RALGPS1: variants seen among roughly 807,000 people sequenced by gnomAD.
RALGPS1 encodes ras-specific guanine nucleotide-releasing factor RalGPS1.
Under a neutral mutation model 78.8 loss-of-function variants are expected in RALGPS1, and 19 were observed. The observed-to-expected ratio is 0.24, with a 90% CI of 0.17 to 0.35. The LOEUF (loss-of-function observed/expected upper bound fraction) is 0.35, where lower values mean the gene tolerates loss of function less well. Ranked by LOEUF, RALGPS1 falls within the 10% of genes least tolerant of loss-of-function variation. The pLI, the probability that RALGPS1 is intolerant of heterozygous loss-of-function variation, is 1.00. For missense variants in RALGPS1, 454 were observed against 688.3 expected (o/e 0.66, Z 3.81); for synonymous variants, 228 against 256.3 (o/e 0.89, Z 1.06).
At chr9:127,036,102 A>G (rs777469985) in intron 5 of RALGPS1, among the ~76,000 whole-genome samples, 27 of 152,208 alleles carry the variant, frequency 1.8e-4, no homozygotes, top group Non-Finnish European at 3.7e-4. Flanking sequence ...TTATTCTGTG[A>G]ACAATTGTGT....
intron 1 of RALGPS1, among the ~76,000 whole-genome samples, chr9:126,949,671 T>C (rs10987526): frequency 0.083 from 12,462 of 150,854 alleles, 1,702 homozygotes; most frequent in African/African-American, 0.28. Flanking sequence ...TTTGTTTTTT[T>C]CGTGTAAATT....
chr9:127,030,757 G>A (rs1296113684), intron 4 of RALGPS1, among the ~76,000 whole-genome samples: 1 of 152,106 alleles, frequency 6.6e-6, no homozygotes, highest in Non-Finnish European at 1.5e-5. Context: ...TCAGAGTAAG[G>A]TCTCTGAGAA....
At position 127,020,784 on chromosome 9, in the gene RALGPS1, G is replaced by T. The variant is rs561821850; in HGVS notation, c.217-13647G>T. ...ATGTGCTCTGTGGCTGAGGGTCCAG[G>T]CTCCAGAGGCAACAGGCCTAGGTTT... On this transcript the variant is annotated intron_variant, in intron 4 of 18. Transcript: ENST00000259351. Among the ~76,000 whole-genome samples the T allele has an allele frequency of 7.4e-4, 113 of 152,316 alleles. 1 individual carries two copies. The highest frequency in any genetic ancestry group is 2.6e-3 in the African/African-American group (109 of 41,562).
chr9:127,033,996 A>T (rs142619410), intron 4 of RALGPS1, among the ~76,000 whole-genome samples: 63 of 152,354 alleles, frequency 4.1e-4, no homozygotes, highest in South Asian at 1.0e-3. Flanking sequence ...ACTTTGCCTC[A>T]CACCAGGAAT....
intron 4 of RALGPS1, among the ~76,000 whole-genome samples, chr9:127,001,951 A>G (rs2043348002): frequency 6.6e-6 from 1 of 152,238 alleles, no homozygotes; most frequent in Non-Finnish European, 1.5e-5. Flanking sequence ...GCATTAAATG[A>G]TAATCTGTTA....
rs1554816084 is a variant in RALGPS1 at position 127,069,320 on chromosome 9, C to T, written c.574C>T (p.Arg192Ter). Reference sequence around the variant, plus strand: ...TTACAAGCGGACACGGGAATATATCCGAAGCCTGAAGATGGTTCCAAGTAT... The same window carrying T: ...TTACAAGCGGACACGGGAATATATCTGAAGCCTGAAGATGGTTCCAAGTAT... ...DNYKRTREYI[R>*]SLKMVPSIPY... Residue 192 changes from arginine to a stop codon, truncating the protein, a stop_gained, in exon 8 of 19, where the codon CGA (arginine) becomes TGA (stop). Transcript: ENST00000259351. LOFTEE classifies it high-confidence loss of function. 1 of 1,613,872 alleles carries T rather than the reference C, an allele frequency of 6.2e-7. No homozygotes were observed. Among genetic ancestry groups the T allele is most frequent in the African/African-American group, 1.3e-5 (1 of 74,908 alleles).
intron 13 of RALGPS1, 82 bp downstream of exon 13, chr9:127,196,713 G>T (rs2061367492): frequency 1.4e-6 from 2 of 1,445,766 alleles, no homozygotes; most frequent in Non-Finnish European, 1.9e-6. Context: ...GTGTCACTGT[G>T]CCATGCCCAG....
intron 8 of RALGPS1, among the ~76,000 whole-genome samples, chr9:127,147,222 G>A (rs1291295569): frequency 6.6e-6 from 1 of 152,054 alleles, no homozygotes; most frequent in Non-Finnish European, 1.5e-5. Context: ...TTTTAATGGG[G>A]TTATTTGATT....
At chr9:126,940,516 T>A (rs942219497) in intron 1 of RALGPS1, among the ~76,000 whole-genome samples, 1 of 149,928 alleles carries the variant, frequency 6.7e-6, no homozygotes, top group African/African-American at 2.5e-5. Context: ...CTTGGCTCAC[T>A]GCAAGCTCTG....
At chr9:127,144,439 T>TA (rs1199158301) in intron 8 of RALGPS1, among the ~76,000 whole-genome samples, 2 of 152,208 alleles carry the variant, frequency 1.3e-5, no homozygotes, top group Non-Finnish European at 1.5e-5. Flanking sequence ...ACATCAAACT[T>TA]ACGATTTCAC....
chr9:127,019,355 T>C (rs1461820444), intron 4 of RALGPS1, among the ~76,000 whole-genome samples: 1 of 151,976 alleles, frequency 6.6e-6, no homozygotes, highest in Non-Finnish European at 1.5e-5. Context: ...TGAGATGGAG[T>C]CTTGCTTTGT....
intron 7 of RALGPS1, among the ~76,000 whole-genome samples, chr9:127,054,995 TTGAGAG>T (rs1282496561): frequency 1.8e-4 from 12 of 66,078 alleles, no homozygotes; most frequent in Admixed American, 1.5e-3. Context: ...GAGAGATTGA[TTGAGAG>T]AGAGAGAGAG....
At chr9:126,998,031 A>G (rs2042935108) in intron 4 of RALGPS1, among the ~76,000 whole-genome samples, 1 of 152,258 alleles carries the variant, frequency 6.6e-6, no homozygotes, top group South Asian at 2.1e-4. Flanking sequence ...AAGATGGATT[A>G]AAGACTTAAA....
Position 127,050,150 on chromosome 9 carries a change from A to T in RALGPS1, c.390+18A>T, listed in dbSNP as rs767221594. ...TAGCCAAGGTAAGCTTTTTATTATTATTTTTCCTTCCTTTCCCTCTTCTCT... is the reference window on the plus strand; with the variant it reads ...TAGCCAAGGTAAGCTTTTTATTATTTTTTTTCCTTCCTTTCCCTCTTCTCT... On this transcript the variant is annotated intron_variant, in intron 6 of 18. Transcript: ENST00000259351. The T allele has an allele frequency of 1.1e-5, 18 of 1,575,144 alleles. No homozygotes were observed. Among genetic ancestry groups the T allele is most frequent in the Non-Finnish European group, 1.5e-5 (17 of 1,144,870 alleles).
intron 8 of RALGPS1, among the ~76,000 whole-genome samples, chr9:127,092,242 G>T (rs374386951): frequency 6.6e-6 from 1 of 152,240 alleles, no homozygotes; most frequent in Non-Finnish European, 1.5e-5. Context: ...GCTGTGGCAG[G>T]TGGAGGGCCT....
intron 13 of RALGPS1, among the ~76,000 whole-genome samples, chr9:127,197,727 G>A (rs569345199): frequency 6.6e-6 from 1 of 152,350 alleles, no homozygotes; most frequent in South Asian, 2.1e-4. Flanking sequence ...ATGTGTCCGG[G>A]GTTACGAGGT....
At chr9:127,017,640 T>C (rs954974122) in intron 4 of RALGPS1, among the ~76,000 whole-genome samples, 3 of 152,238 alleles carry the variant, frequency 2.0e-5, no homozygotes, top group African/African-American at 7.2e-5. Flanking sequence ...TTAAAACTTT[T>C]TGACTCTTTT....
At chr9:127,031,091 A>G (rs1034629883) in intron 4 of RALGPS1, among the ~76,000 whole-genome samples, 5 of 152,148 alleles carry the variant, frequency 3.3e-5, no homozygotes, top group Admixed American at 3.3e-4. Context: ...TGGGTAGCTC[A>G]GTGGCTCACC....
intron 4 of RALGPS1, among the ~76,000 whole-genome samples, chr9:127,018,395 TG>T (rs1256538481): frequency 6.6e-6 from 1 of 151,758 alleles, no homozygotes; most frequent in Non-Finnish European, 1.5e-5. Context: ...CCCAACACTT[TG>T]GGAGGCCAAG....
Sources: allele counts gnomAD v4.1 joint callset (sites outside exome capture counted in the v4.1 genomes callset), GRCh38; gene constraint gnomAD v4.1.1; transcripts MANE v1.5; gene names NCBI Gene and HGNC (gene_info 2026-07-23, HGNC 2026-07-21).